OSGIN2: variants seen among roughly 807,000 people sequenced by gnomAD.
The protein encoded by OSGIN2 is oxidative stress induced growth inhibitor family member 2.
Under a neutral mutation model 53.8 loss-of-function variants are expected in OSGIN2, and 19 were observed. The observed-to-expected ratio is 0.35, with a 90% CI of 0.25 to 0.52. The LOEUF (loss-of-function observed/expected upper bound fraction) is 0.52. Ranked by LOEUF, OSGIN2 falls within the 20% of genes least tolerant of loss-of-function variation. The pLI is 0.95. For missense variants in OSGIN2, 520 were observed against 662.7 expected, an observed-to-expected ratio of 0.78 and a Z score of 2.36; for synonymous variants, 236 against 236.0, an observed-to-expected ratio of 1.00 and a Z score of 0.00.
intron 4 of OSGIN2, among the ~76,000 whole-genome samples, chr8:89,915,705 A>G (rs746241456): frequency 2.0e-5 from 3 of 152,214 alleles, no homozygotes; most frequent in African/African-American, 7.2e-5. Context: ...GAACTTTAAC[A>G]TATTACATAC....
At position 89,902,735 on chromosome 8, in the gene OSGIN2, CCGGGGGAGGCGGAGGCGGCCACGG is replaced by C. The variant is rs1188518998; in HGVS notation, c.-55_-32del. ...CGGGCGCCCCGAGCGGGCAGCCTCGCCGGGGGAGGCGGAGGCGGCCACGGCGGCCGCGCTCGGGCGCCCCTCGCG... is the reference window on the plus strand; with the variant it reads ...CGGGCGCCCCGAGCGGGCAGCCTCGCCGGCCGCGCTCGGGCGCCCCTCGCG... On this transcript the variant is annotated 5_prime_UTR_variant, in exon 1 of 6. Coordinates refer to ENST00000451899, the MANE Select transcript of OSGIN2 (RefSeq NM_001126111.3). 8 of 1,060,718 alleles carry C rather than the reference CCGGGGGAGGCGGAGGCGGCCACGG, an allele frequency of 7.5e-6. No homozygotes were observed. The highest frequency in any genetic ancestry group is 1.7e-5 in the African/African-American group (1 of 59,260). 65.7% of individuals were successfully genotyped at this position (1,060,718 alleles called of 1,614,324 possible).
intron 1 of OSGIN2, among the ~76,000 whole-genome samples, chr8:89,905,235 TAAATGTC>T (rs559780859): frequency 7.0e-4 from 106 of 152,346 alleles, no homozygotes; most frequent in African/African-American, 2.5e-3. Context: ...AAAAGCATCT[TAAATGTC>T]AAATAGGCTT....
rs749175688 is a variant in OSGIN2 at position 89,909,635 on chromosome 8, TGGG to T, written c.115_117del (p.Gly39del). ...TTAGTGCAATACTTTGGTGACAACT[TGGG>T]GCGAAAAGTTAAAGCGATGCCATTA... On this transcript the variant is annotated inframe_deletion, in exon 2 of 6. Transcript: ENST00000451899. 1 of 1,610,990 alleles carries T rather than the reference TGGG, an allele frequency of 6.2e-7. No individual in the cohort carries two copies.
At chr8:89,904,483 A>T (rs1428242851) in intron 1 of OSGIN2, among the ~76,000 whole-genome samples, 1 of 152,252 alleles carries the variant, frequency 6.6e-6, no homozygotes, top group Non-Finnish European at 1.5e-5. Flanking sequence ...TATGATTAAT[A>T]AACCACACTT....
rs1359741991 is a variant in OSGIN2, at chr8:89,925,421, T to C, written c.1539T>C (p.Asn513=). Residue 513 remains asparagine, a synonymous_variant, in exon 6 of 6, where the codon AAT becomes AAC. Transcript: ENST00000451899. ...CATTGGGTCCTTTGGTTGGAGACAATTTTGTTCGATTTTTAAAGGGAGGGG... is the reference window on the plus strand; with the variant it reads ...CATTGGGTCCTTTGGTTGGAGACAACTTTGTTCGATTTTTAAAGGGAGGGG... The part of the protein sequence containing the change: ...LFALGPLVGD[N]FVRFLKGGAL... 1.2e-6 allele frequency: 2 copies of C among 1,613,938 alleles called. No homozygotes were observed. The highest frequency in any genetic ancestry group is 1.7e-6 in the Non-Finnish European group (2 of 1,179,982).
chr8:89,911,155 C>A (rs767807192), intron 2 of OSGIN2, among the ~76,000 whole-genome samples: 2 of 152,122 alleles, frequency 1.3e-5, no homozygotes, highest in Non-Finnish European at 2.9e-5. Flanking sequence ...TGTTTCTTAA[C>A]CTTCTTTCAT....
upstream of OSGIN2, chr8:89,902,447 A>C (rs1208268995): frequency 6.6e-6 from 1 of 151,536 alleles, no homozygotes; most frequent in Admixed American, 6.6e-5. Context: ...CCGTGGCTCC[A>C]CCAATCGCAG....
At position 89,902,742 on chromosome 8, in the gene OSGIN2, AGGCGGAGGCGGCCAC is replaced by A; in HGVS notation, c.-46_-32del. 9.0e-7 allele frequency: 1 copy of A among 1,105,592 alleles called. No individual in the cohort carries two copies. The allele number at this position is 1,105,592 out of a possible 1,614,324, so 68.5% of individuals were successfully genotyped here. A position where few individuals can be genotyped will look rare whatever the true frequency, so the allele number is the denominator to read the frequency against. On this transcript the variant is annotated 5_prime_UTR_variant, in exon 1 of 6. Transcript: ENST00000451899. ...CCCGAGCGGGCAGCCTCGCCGGGGG[AGGCGGAGGCGGCCAC>A]GGCGGCCGCGCTCGGGCGCCCCTCG...
upstream of OSGIN2, chr8:89,902,392 T>G (rs917796772): frequency 6.6e-6 from 1 of 152,096 alleles, no homozygotes; most frequent in Non-Finnish European, 1.5e-5. Context: ...CTCGGTCCCC[T>G]GCCCGCGCAG....
In OSGIN2 at chr8:89,921,256, A is replaced by G. The variant is rs569960735; in HGVS notation, c.620+85A>G. The G allele has an allele frequency of 4.1e-6, 3 of 740,530 alleles. No homozygotes were observed. The East Asian group carries it at 7.6e-5, about 19-fold the overall frequency. 45.9% of individuals were successfully genotyped at this position (740,530 alleles called of 1,614,324 possible). A position where few individuals can be genotyped will look rare whatever the true frequency, so the allele number is the denominator to read the frequency against. On this transcript the variant is annotated intron_variant, in intron 5 of 5. Transcript: ENST00000451899. Reference sequence around the variant, plus strand: ...ATTTCAAAATATTTGTGATTTTGTCATGGCTGAAGAATATAAATGTACGTC... The same window carrying G: ...ATTTCAAAATATTTGTGATTTTGTCGTGGCTGAAGAATATAAATGTACGTC...
At chr8:89,903,440 C>T (rs527895962) in intron 1 of OSGIN2, among the ~76,000 whole-genome samples, 5 of 152,244 alleles carry the variant, frequency 3.3e-5, no homozygotes, top group African/African-American at 1.2e-4. Flanking sequence ...TGGTCAACAC[C>T]TCAGTCATTG....
At chr8:89,902,875 G>T in intron 1 of OSGIN2, 38 bp downstream of exon 1, 7 of 1,330,642 alleles carry the variant, frequency 5.3e-6, no homozygotes, top group Non-Finnish European at 6.9e-6. Flanking sequence ...GAGCAGGCGG[G>T]GATGCCGCGC....
chr8:89,917,425 G>A (rs1809103211), intron 4 of OSGIN2, among the ~76,000 whole-genome samples: 1 of 152,148 alleles, frequency 6.6e-6, no homozygotes, highest in Non-Finnish European at 1.5e-5. Flanking sequence ...AGTCCATGGA[G>A]TTAACTATTC....
At chr8:89,918,613 A>G (rs548556456) in intron 4 of OSGIN2, among the ~76,000 whole-genome samples, 31 of 152,338 alleles carry the variant, frequency 2.0e-4, no homozygotes, top group African/African-American at 7.5e-4. Flanking sequence ...TCCCAAAATC[A>G]AAACCAGCCC....
chr8:89,909,032 AAAAAAATATATATATATAC>A (rs1808906643), intron 1 of OSGIN2, among the ~76,000 whole-genome samples: 1 of 115,984 alleles, frequency 8.6e-6, no homozygotes, highest in African/African-American at 5.0e-5. Context: ...AAAAAAAAAA[AAAAAAATATATATATATAC>A]ATATATATAT....
rs1418172973 is a variant in OSGIN2 at position 89,925,472 on chromosome 8, T to A, written c.1590T>A (p.Ala530=). The A allele has an allele frequency of 6.2e-7, 1 of 1,613,988 alleles. No individual in the cohort carries two copies. The highest frequency in any genetic ancestry group is 1.3e-5 in the African/African-American group (1 of 74,918). ...CGCTGGGTGTTACACGCTGTTTAGC[T>A]ACAAGACAGAAGAAAAAGCATTTGT... ...GGALGVTRCL[A]TRQKKKHLFV... Residue 530 remains alanine (A), a synonymous_variant, in exon 6 of 6, where the codon GCT becomes GCA. Transcript: ENST00000451899.
Position 89,925,299 on chromosome 8 carries a change from C to T in OSGIN2, c.1417C>T (p.Leu473=), listed in dbSNP as rs1418383839. 1 of 1,613,922 alleles carries T rather than the reference C, an allele frequency of 6.2e-7. No homozygotes were observed. The highest frequency in any genetic ancestry group is 1.3e-5 in the African/African-American group (1 of 74,904). ...LSFLKDQGCY[L]GHKSSQPITC... ...TTTTCTGAAGGATCAAGGGTGTTAC[C>T]TAGGCCATAAGTCAAGCCAGCCAAT... is the stretch of plus-strand genomic sequence containing the variant. The change falls in exon 6 of 6, where the codon CTA becomes TTA. Residue 473 remains leucine, a synonymous_variant. Transcript: ENST00000451899.
intron 4 of OSGIN2, among the ~76,000 whole-genome samples, chr8:89,917,545 GA>G (rs1809105087): frequency 6.6e-6 from 1 of 151,924 alleles, no homozygotes; most frequent in East Asian, 1.9e-4. Context: ...CAGACCCCCA[GA>G]AAAAAAATTA....
chr8:89,909,671 A>T lies in OSGIN2; in HGVS notation c.149A>T (p.Glu50Val), dbSNP rs114408839. The T allele has an allele frequency of 1.5e-4, 237 of 1,610,982 alleles. No individual in the cohort carries two copies. Among genetic ancestry groups the T allele is most frequent in the East Asian group, 1.1e-3 (49 of 44,778 alleles). The change falls in exon 2 of 6, where the codon GAA (glutamate) becomes GTA (valine). Residue 50 changes from glutamate (E) to valine (V), a missense_variant. Transcript: ENST00000451899. Reference protein sequence around the residue: ...RKVKAMPLVEETSLLEDSSVT... With the variant: ...RKVKAMPLVEVTSLLEDSSVT... ...GTTAAAGCGATGCCATTAGTTGAAGAAACTTCTTTACTGGAAGATTCGTCA... is the reference window on the plus strand; with the variant it reads ...GTTAAAGCGATGCCATTAGTTGAAGTAACTTCTTTACTGGAAGATTCGTCA...
Sources: allele counts gnomAD v4.1 joint callset (sites outside exome capture counted in the v4.1 genomes callset), GRCh38; gene constraint gnomAD v4.1.1; transcripts MANE v1.5; gene names NCBI Gene and HGNC (gene_info 2026-07-23, HGNC 2026-07-21).